The following SIK3 variants were observed in gnomAD, a reference collection of about 807,000 sequenced individuals.
SIK3 encodes the protein serine/threonine-protein kinase SIK3.
Under a neutral mutation model 144.2 loss-of-function variants are expected in SIK3, and 28 were observed. The ratio of observed to expected loss-of-function variants is 0.19; its 90% CI spans 0.14 to 0.27. SIK3 has a LOEUF of 0.27. Among genes scored for constraint, SIK3 ranks in the 10% least tolerant of loss-of-function variants. SIK3 has a pLI of 1.00. For missense variants in SIK3, 1,319 were observed against 1,776.0 expected, an observed-to-expected ratio of 0.74 and a Z score of 4.62; for synonymous variants, 686 against 676.3, an observed-to-expected ratio of 1.01 and a Z score of -0.22.
At chr11:116,942,519 A>G (rs1948369368) in intron 3 of SIK3, among the ~76,000 whole-genome samples, 1 of 152,242 alleles carries the variant, frequency 6.6e-6, no homozygotes, top group Non-Finnish European at 1.5e-5. Context: ...CAAAAAGAAA[A>G]GTAAAGCAAG....
chr11:116,991,369 C>T (rs1447941826), intron 1 of SIK3, among the ~76,000 whole-genome samples: 1 of 152,172 alleles, frequency 6.6e-6, no homozygotes, highest in Non-Finnish European at 1.5e-5. Context: ...ATCACTTGAA[C>T]CCGGGAGGCG....
intron 1 of SIK3, among the ~76,000 whole-genome samples, chr11:117,012,471 T>A (rs974312864): frequency 1.3e-5 from 2 of 152,300 alleles, no homozygotes; most frequent in Middle Eastern, 3.4e-3. Flanking sequence ...GAAGAAGGCT[T>A]TCCATACTTT....
intron 1 of SIK3, among the ~76,000 whole-genome samples, chr11:117,083,296 C>T (rs1954866879): frequency 6.6e-6 from 1 of 151,980 alleles, no homozygotes; most frequent in African/African-American, 2.4e-5. Context: ...CAATGAGTAA[C>T]ATGCTTCAAA....
chr11:116,938,535 CGGAAGGGGAGGGGAG>C (rs1565475599), intron 3 of SIK3, among the ~76,000 whole-genome samples: 2 of 18,060 alleles, frequency 1.1e-4, no homozygotes, highest in Non-Finnish European at 9.1e-5. Context: ...GGGGACGGGA[CGGAAGGGGAGGGGAG>C]GGGAGGGGAG....
At chr11:117,006,286 G>C (rs1283277783) in intron 1 of SIK3, among the ~76,000 whole-genome samples, 1 of 152,132 alleles carries the variant, frequency 6.6e-6, no homozygotes, top group Non-Finnish European at 1.5e-5. Flanking sequence ...TTTCCTTATG[G>C]GCTATGTAGC....
At chr11:117,001,108 G>A (rs1250813037) in intron 1 of SIK3, among the ~76,000 whole-genome samples, 1 of 152,214 alleles carries the variant, frequency 6.6e-6, no homozygotes, top group Non-Finnish European at 1.5e-5. Context: ...TGGGTGGGGC[G>A]ATAGCACGGA....
In SIK3 at chr11:117,025,970, T is replaced by A. The variant is rs189466540; in HGVS notation, c.274-68906A>T. Among the ~76,000 whole-genome samples the A allele has an allele frequency of 6.0e-4, 92 of 152,228 alleles. 1 individual carries two copies. Among genetic ancestry groups the A allele is most frequent in the African/African-American group, 2.1e-3 (88 of 41,546 alleles). ...CAAATTTGGGTTTTATACTAACCAT[T>A]TGTATTGAAAAAAAATGGTGCCATG... On this transcript the variant is annotated intron_variant, in intron 1 of 24. Coordinates refer to ENST00000445177, the MANE Select transcript of SIK3 (RefSeq NM_001366686.3).
At chr11:116,984,088 A>G (rs1950246447) in intron 1 of SIK3, among the ~76,000 whole-genome samples, 1 of 151,424 alleles carries the variant, frequency 6.6e-6, no homozygotes, top group Non-Finnish European at 1.5e-5. Flanking sequence ...CCATGGTAGC[A>G]TTCAAGGTTC....
chr11:116,950,157 C>A (rs1283606679), intron 3 of SIK3: 2 of 470,936 alleles, frequency 4.2e-6, no homozygotes, highest in Non-Finnish European at 8.8e-6. Flanking sequence ...CAAGTGGGGG[C>A]TGAGTAGAAG....
intron 3 of SIK3, among the ~76,000 whole-genome samples, chr11:116,952,459 G>A (rs1307542800): frequency 6.6e-6 from 1 of 152,202 alleles, no homozygotes; most frequent in Non-Finnish European, 1.5e-5. Flanking sequence ...ATACATTTGT[G>A]ATCTTAATTA....
intron 1 of SIK3, 145 bp from the exon 2 acceptor site, chr11:116,957,209 T>G: frequency 2.0e-6 from 1 of 511,954 alleles, no homozygotes; most frequent in Non-Finnish European, 3.4e-6. Flanking sequence ...GAAAATTAAT[T>G]TACTCTTTTT....
chr11:117,066,411 A>G (rs142661919), intron 1 of SIK3, among the ~76,000 whole-genome samples: 3,733 of 152,236 alleles, frequency 0.025, 84 homozygotes, highest in South Asian at 0.11. Flanking sequence ...GAAAGAATGA[A>G]AAAATAAGCC....
intron 1 of SIK3, among the ~76,000 whole-genome samples, chr11:117,070,906 C>T (rs969513817): frequency 1.3e-5 from 2 of 151,870 alleles, no homozygotes; most frequent in Admixed American, 6.6e-5. Flanking sequence ...GCCCCCGCCA[C>T]CACACCTGGC....
chr11:117,050,926 G>C (rs1953209108), intron 1 of SIK3, among the ~76,000 whole-genome samples: 1 of 152,128 alleles, frequency 6.6e-6, no homozygotes, highest in Non-Finnish European at 1.5e-5. Flanking sequence ...GAAGAGTCCT[G>C]TGATGGTTAA....
At chr11:116,967,244 G>C (rs1180580158) in intron 1 of SIK3, among the ~76,000 whole-genome samples, 1 of 152,190 alleles carries the variant, frequency 6.6e-6, no homozygotes, top group Non-Finnish European at 1.5e-5. Context: ...CCCAAGAACA[G>C]CATTTGTCAA....
chr11:117,046,200 A>G (rs1331357232), intron 1 of SIK3, among the ~76,000 whole-genome samples: 2 of 152,268 alleles, frequency 1.3e-5, no homozygotes, highest in Non-Finnish European at 2.9e-5. Context: ...CATTTTAACA[A>G]GCATGACACA....
intron 1 of SIK3, among the ~76,000 whole-genome samples, chr11:117,079,622 T>C (rs1954697521): frequency 6.6e-6 from 1 of 152,018 alleles, no homozygotes; most frequent in African/African-American, 2.4e-5. Context: ...TTGGTTTATA[T>C]CAAAATGCAT....
intron 1 of SIK3, among the ~76,000 whole-genome samples, chr11:117,013,915 G>GGGGGGTGTGTGT (rs1206309055): frequency 1.3e-4 from 3 of 23,612 alleles, no homozygotes; most frequent in Non-Finnish European, 2.6e-4. Flanking sequence ...GGGGGGGGAG[G>GGGGGGTGTGTGT]GTGTGTGTGT....
At chr11:116,873,846 T>C (rs1239442090) in intron 12 of SIK3, 57 bp downstream of exon 12, 4 of 1,565,404 alleles carry the variant, frequency 2.6e-6, no homozygotes, top group South Asian at 1.2e-5. Flanking sequence ...TCATAGCCTC[T>C]CAAAGGAAGC....
Sources: allele counts gnomAD v4.1 joint callset (sites outside exome capture counted in the v4.1 genomes callset), GRCh38; gene constraint gnomAD v4.1.1; transcripts MANE v1.5; gene names NCBI Gene and HGNC (gene_info 2026-07-23, HGNC 2026-07-21).